DGKE: variants seen among roughly 807,000 people sequenced by gnomAD.
DGKE encodes the protein diacylglycerol kinase epsilon, also known as DAG kinase epsilon.
In DGKE, 53 loss-of-function variants were observed where a neutral mutation model predicts 70.0. That is an observed-to-expected ratio of 0.76 (90% CI 0.61 to 0.95). The LOEUF (loss-of-function observed/expected upper bound fraction) is 0.95, where lower values mean the gene tolerates loss of function less well. Ranked by LOEUF, DGKE falls within the 40% of genes least tolerant of loss-of-function variation. The pLI is 0.00. For synonymous variants in DGKE, 291 were observed against 257.0 expected, an observed-to-expected ratio of 1.13 and a Z score of -1.27; for missense variants, 655 against 706.9, an observed-to-expected ratio of 0.93 and a Z score of 0.83.
In DGKE at chr17:56,835,102, G is replaced by A. The variant is rs1906513607; in HGVS notation, c.307G>A (p.Asp103Asn). ...GGACGAGGGCTGCCTCAGGAAGGCC[G>A]ACAAGCGCTTCCAGTGCAAGGAGAT... Reference protein sequence around the residue: ...RVDEGCLRKADKRFQCKEIML... With the variant: ...RVDEGCLRKANKRFQCKEIML... The change falls in exon 2 of 12, where the codon GAC becomes AAC. Residue 103 changes from aspartate to asparagine, a missense_variant. By Grantham distance (23) the Asp-to-Asn change is conservative. Coordinates refer to ENST00000284061, the MANE Select transcript of DGKE (RefSeq NM_003647.3). 6.2e-7 allele frequency: 1 copy of A among 1,613,808 alleles called. No individual in the cohort carries two copies. Among genetic ancestry groups the A allele is most frequent in the African/African-American group, 1.3e-5 (1 of 75,066 alleles).
rs576543455 is a variant in DGKE, at chr17:56,849,208, A to C, written c.1074A>C (p.Gly358=). The change falls in exon 7 of 12, where the codon GGA becomes GGC. Residue 358 remains glycine, a synonymous_variant. Transcript: ENST00000284061. ...GGAAAGTTCAAGTAACAAATAAAGG[A>C]TACTACAACTTAAGAAAACCCAAGG... is the stretch of plus-strand genomic sequence containing the variant. ...DRWKVQVTNK[G]YYNLRKPKEF... The C allele has an allele frequency of 3.7e-6, 6 of 1,609,182 alleles. No individual in the cohort carries two copies. In the African/African-American group the frequency reaches 8.0e-5, roughly 22 times the overall value.
rs1206440405 is a variant in DGKE, at chr17:56,847,944, C to T, written c.767C>T (p.Pro256Leu). The change falls in exon 5 of 12, where the codon CCT becomes CTT. Residue 256 changes from proline (P) to leucine (L), a missense_variant. Coordinates refer to ENST00000284061, the MANE Select transcript of DGKE (RefSeq NM_003647.3). ...PVQVFDVTKT[P>L]PIKALQLCTL... ...TAGGTTTTTGATGTAACTAAAACTC[C>T]TCCTATCAAAGCCCTACAACTCTGT... is the stretch of plus-strand genomic sequence containing the variant. 4.5e-6 allele frequency: 7 copies of T among 1,568,124 alleles called. No homozygotes were observed. Among genetic ancestry groups the T allele is most frequent in the Non-Finnish European group, 6.0e-6 (7 of 1,161,928 alleles).
rs143451162 is a variant in DGKE, at chr17:56,847,600, C to G, written c.745-322C>G. On this transcript the variant is annotated intron_variant, in intron 4 of 11. Coordinates refer to ENST00000284061, the MANE Select transcript of DGKE (RefSeq NM_003647.3). ...CCACCCGCCTTGGCCTCCCAAAGTG[C>G]TGGGATTATAGGCATGAGTTACCAC... The G allele has an allele frequency of 4.3e-3, 671 of 155,090 alleles. 2 individuals are homozygous for G. Among genetic ancestry groups the G allele is most frequent in the Non-Finnish European group, 7.1e-3 (497 of 69,966 alleles). 9.6% of individuals were successfully genotyped at this position (155,090 alleles called of 1,614,324 possible). A position where few individuals can be genotyped will look rare whatever the true frequency, so the allele number is the denominator to read the frequency against.
intron 9 of DGKE, among the ~76,000 whole-genome samples, chr17:56,860,698 C>T (rs1908238103): frequency 6.6e-6 from 1 of 152,134 alleles, no homozygotes; most frequent in Non-Finnish European, 1.5e-5. Context: ...AAGTGACAAG[C>T]TGGAATCTGA....
At chr17:56,860,765 A>G (rs1335776639) in intron 9 of DGKE, among the ~76,000 whole-genome samples, 1 of 151,428 alleles carries the variant, frequency 6.6e-6, no homozygotes, top group Non-Finnish European at 1.5e-5. Context: ...TAGGCTAAAA[A>G]CAGCATCTGC....
At chr17:56,853,258 T>G (rs1211789367) in intron 7 of DGKE, among the ~76,000 whole-genome samples, 1 of 152,246 alleles carries the variant, frequency 6.6e-6, no homozygotes, top group Non-Finnish European at 1.5e-5. Flanking sequence ...TTCACTCTAT[T>G]GTTTTCCTTT....
rs967442500 is a variant in DGKE at position 56,834,156 on chromosome 17, T to A, written c.-123T>A. On this transcript the variant is annotated 5_prime_UTR_variant, in exon 1 of 12. Transcript: ENST00000284061. The stretch of plus-strand genomic sequence containing the variant: ...GTGCGTGCGGCTGGAGCCTTAAGCG[T>A]TTCCCCCGCCCGGCTTCATCCCTGC... 8 of 152,248 alleles carry A rather than the reference T, an allele frequency of 5.3e-5. No individual in the cohort carries two copies. Among genetic ancestry groups the A allele is most frequent in the African/African-American group, 1.7e-4 (7 of 41,422 alleles). The allele number at this position is 152,248 out of a possible 1,614,324, so 9.4% of individuals were successfully genotyped here. A position where few individuals can be genotyped will look rare whatever the true frequency, so the allele number is the denominator to read the frequency against.
At chr17:56,853,840 A>G (rs1401952291) in intron 7 of DGKE, among the ~76,000 whole-genome samples, 1 of 152,216 alleles carries the variant, frequency 6.6e-6, no homozygotes, top group African/African-American at 2.4e-5. Flanking sequence ...AAATCAGTAT[A>G]TCAAACAGAT....
Position 56,848,808 on chromosome 17 carries a change from A to C in DGKE, c.1001A>C (p.Gln334Pro). 1.2e-6 allele frequency: 2 copies of C among 1,614,196 alleles called. No individual in the cohort carries two copies. Among genetic ancestry groups the C allele is most frequent in the Non-Finnish European group, 1.7e-6 (2 of 1,180,026 alleles). ...TGYAGEIPVA[Q>P]VLRNVMEADG... ...TATGCTGGAGAAATTCCAGTTGCGC[A>C]GGTTTTGCGAAATGTAATGGAAGCA... Residue 334 changes from glutamine (Q) to proline (P), a missense_variant, in exon 6 of 12, where the codon CAG becomes CCG. Coordinates refer to ENST00000284061, the MANE Select transcript of DGKE (RefSeq NM_003647.3).
intron 6 of DGKE, 74 bp from the exon 7 acceptor site, chr17:56,849,107 C>T: frequency 7.0e-7 from 1 of 1,435,910 alleles, no homozygotes; most frequent in Non-Finnish European, 9.5e-7. Flanking sequence ...AATAGAAAAC[C>T]CTCATTTATC....
chr17:56,834,729 G>A (rs550918585), intron 1 of DGKE, 49 bp from the exon 2 acceptor site: 8 of 1,496,298 alleles, frequency 5.3e-6, no homozygotes, highest in Middle Eastern at 2.5e-4. Context: ...AAGGGGGCGG[G>A]GAAGGGATGG....
At chr17:56,860,677 C>T (rs1378785210) in intron 9 of DGKE, among the ~76,000 whole-genome samples, 1 of 152,198 alleles carries the variant, frequency 6.6e-6, no homozygotes, top group Non-Finnish European at 1.5e-5. Context: ...ATAAGCAAGT[C>T]TTTCTGGAAG....
At chr17:56,846,468 C>A (rs1907293186) in intron 4 of DGKE, among the ~76,000 whole-genome samples, 1 of 152,068 alleles carries the variant, frequency 6.6e-6, no homozygotes, top group South Asian at 2.1e-4. Flanking sequence ...CAAAAATGTT[C>A]TAAACTGGAT....
Position 56,848,678 on chromosome 17 carries a change from A to G in DGKE, c.889-18A>G. The stretch of plus-strand genomic sequence containing the variant: ...ATAGTCTGAGAGAAAAATCTAAAAC[A>G]TATCTTCCATATTCTAGGGACAAGA... On this transcript the variant is annotated intron_variant, in intron 5 of 11. Coordinates refer to ENST00000284061, the MANE Select transcript of DGKE (RefSeq NM_003647.3). 6.2e-7 allele frequency: 1 copy of G among 1,608,710 alleles called. No individual in the cohort carries two copies. Among genetic ancestry groups the G allele is most frequent in the Non-Finnish European group, 8.5e-7 (1 of 1,176,846 alleles).
Position 56,861,725 on chromosome 17 carries a change from A to G in DGKE, c.1285-66A>G. Reference sequence around the variant, plus strand: ...AGCACATTTATGAAAATAGATGTGAATTCTAAATGGATGTGTGTGGAAATT... The same window carrying G: ...AGCACATTTATGAAAATAGATGTGAGTTCTAAATGGATGTGTGTGGAAATT... On this transcript the variant is annotated intron_variant, in intron 9 of 11. Transcript: ENST00000284061. 1.9e-6 allele frequency: 3 copies of G among 1,589,638 alleles called. No homozygotes were observed. In the South Asian group the frequency reaches 3.4e-5, roughly 18 times the overall value.
chr17:56,835,393 C>T, intron 2 of DGKE, 134 bp downstream of exon 2: 1 of 950,722 alleles, frequency 1.1e-6, no homozygotes, highest in Non-Finnish European at 1.5e-6. Context: ...AATAAATAAA[C>T]ATCCCTGAGT....
At chr17:56,849,313 C>G (rs962954965) in intron 7 of DGKE, 81 bp downstream of exon 7, 3 of 1,291,210 alleles carry the variant, frequency 2.3e-6, no homozygotes, top group African/African-American at 3.0e-5. Context: ...ATACAGAGAC[C>G]TGGTGCTTAT....
chr17:56,851,465 A>C (rs983127901), intron 7 of DGKE, among the ~76,000 whole-genome samples: 3 of 152,238 alleles, frequency 2.0e-5, no homozygotes, highest in African/African-American at 7.2e-5. Flanking sequence ...TAACTTGCCC[A>C]AGATAAAAAT....
At chr17:56,851,342 C>T (rs1567818025) in intron 7 of DGKE, among the ~76,000 whole-genome samples, 1 of 152,186 alleles carries the variant, frequency 6.6e-6, no homozygotes, top group Admixed American at 6.5e-5. Context: ...TTTAGAGACT[C>T]TAGCCAGCTA....
Sources: allele counts gnomAD v4.1 joint callset (sites outside exome capture counted in the v4.1 genomes callset), GRCh38; gene constraint gnomAD v4.1.1; transcripts MANE v1.5; gene names NCBI Gene and HGNC (gene_info 2026-07-23, HGNC 2026-07-21).